ZBTB8A: variants seen among roughly 807,000 people sequenced by gnomAD.
ZBTB8A encodes the protein zinc finger and BTB domain containing 8A, also known as zinc finger and BTB domain-containing protein 8A.
A neutral mutation model predicts 37.8 loss-of-function variants in ZBTB8A; 19 were observed. That is an observed-to-expected ratio of 0.50 (90% CI 0.35 to 0.74). The LOEUF (loss-of-function observed/expected upper bound fraction) is 0.74, where lower values mean the gene tolerates loss of function less well. Ranked by LOEUF, ZBTB8A falls within the 30% of genes least tolerant of loss-of-function variation. ZBTB8A has a pLI of 0.01. For synonymous variants in ZBTB8A, 181 were observed against 185.2 expected, an observed-to-expected ratio of 0.98 and a Z score of 0.19; for missense variants, 394 against 537.8, an observed-to-expected ratio of 0.73 and a Z score of 2.65.
rs1338476865 is a variant in ZBTB8A, at chr1:32,602,476, C to T, written c.*2057C>T. ...CTGAGCTTCATAAAGGTCTCTTCTG[C>T]AAGTTATCACAGTGAAGCTTGATAG... On this transcript the variant is annotated 3_prime_UTR_variant, in exon 5 of 5. Coordinates refer to ENST00000373510, the MANE Select transcript of ZBTB8A (RefSeq NM_001040441.3). The T allele has an allele frequency of 6.6e-6, 1 of 152,114 alleles. No homozygotes were observed. The highest frequency in any genetic ancestry group is 6.6e-5 in the Admixed American group (1 of 15,266). The allele number at this position is 152,114 out of a possible 1,614,324, so 9.4% of individuals were successfully genotyped here. A position where few individuals can be genotyped will look rare whatever the true frequency, so the allele number is the denominator to read the frequency against.
intron 1 of ZBTB8A, among the ~76,000 whole-genome samples, chr1:32,552,092 A>G (rs1024185607): frequency 6.6e-6 from 1 of 152,092 alleles, no homozygotes; most frequent in African/African-American, 2.4e-5. Context: ...GTCCAGGGAC[A>G]GTGGCTCATG....
At chr1:32,580,877 G>A (rs546496051) in intron 2 of ZBTB8A, among the ~76,000 whole-genome samples, 1 of 151,592 alleles carries the variant, frequency 6.6e-6, no homozygotes, top group South Asian at 2.1e-4. Context: ...GCAACACAGA[G>A]AGACAACAAG....
intron 1 of ZBTB8A, among the ~76,000 whole-genome samples, chr1:32,541,604 C>T (rs1644055290): frequency 6.6e-6 from 1 of 152,184 alleles, no homozygotes; most frequent in Non-Finnish European, 1.5e-5. Context: ...TTATTTCTCA[C>T]ACTTCTGGAG....
chr1:32,548,137 TAAAAAAAAAAAA>T (rs770998213), intron 1 of ZBTB8A, among the ~76,000 whole-genome samples: 4 of 65,772 alleles, frequency 6.1e-5, no homozygotes, highest in African/African-American at 5.9e-5. Context: ...CGTCTCAAAT[TAAAAAAAAAAAA>T]AAAAAAAAAA....
chr1:32,588,213 G>C (rs1644463164), intron 2 of ZBTB8A, among the ~76,000 whole-genome samples: 2 of 152,112 alleles, frequency 1.3e-5, no homozygotes, highest in South Asian at 4.1e-4. Context: ...TAGCTGGTTA[G>C]TCAGAAGCAC....
At chr1:32,595,517 T>C (rs925876732) in intron 4 of ZBTB8A, among the ~76,000 whole-genome samples, 27 of 151,598 alleles carry the variant, frequency 1.8e-4, no homozygotes, top group Admixed American at 3.9e-4. Context: ...TTCACCTGCC[T>C]CAGCCTCCCA....
intron 2 of ZBTB8A, among the ~76,000 whole-genome samples, chr1:32,587,100 G>A (rs551682849): frequency 2.6e-5 from 4 of 152,008 alleles, no homozygotes; most frequent in South Asian, 4.1e-4. Flanking sequence ...TTAGCTGGGC[G>A]TGGTGGCAGG....
chr1:32,575,959 C>T (rs1163778420), intron 2 of ZBTB8A, among the ~76,000 whole-genome samples: 2 of 152,176 alleles, frequency 1.3e-5, no homozygotes, highest in African/African-American at 2.4e-5. Flanking sequence ...TAGTTGCTCT[C>T]AGGATTACAA....
Position 32,600,261 on chromosome 1 carries a change from C to T in ZBTB8A, c.1168C>T (p.Pro390Ser). The change falls in exon 5 of 5, where the codon CCA becomes TCA. Residue 390 changes from proline to serine, a missense_variant. Pro to Ser is a moderately conservative substitution (Grantham distance 74). Transcript: ENST00000373510. ...DLEAEQHLMS[P>S]SDGDKDSRWH... The stretch of plus-strand genomic sequence containing the variant: ...GGAAGCTGAACAACATCTTATGTCC[C>T]CATCAGATGGAGATAAGGATTCCAG... 1.9e-6 allele frequency: 3 copies of T among 1,614,100 alleles called. No individual in the cohort carries two copies. Among genetic ancestry groups the T allele is most frequent in the Non-Finnish European group, 1.7e-6 (2 of 1,180,012 alleles).
intron 1 of ZBTB8A, among the ~76,000 whole-genome samples, chr1:32,549,063 C>T (rs1644129717): frequency 6.6e-6 from 1 of 152,032 alleles, no homozygotes; most frequent in Non-Finnish European, 1.5e-5. Context: ...TGGTGGCCCG[C>T]ACCTGTAGTC....
In ZBTB8A at chr1:32,605,675, A is replaced by G. The variant is rs1389934971; in HGVS notation, c.*5256A>G. 7.3e-6 allele frequency: 1 copy of G among 137,538 alleles called. No individual in the cohort carries two copies. The highest frequency in any genetic ancestry group is 2.8e-5 in the African/African-American group (1 of 35,152). The allele number at this position is 137,538 out of a possible 1,614,324, so 8.5% of individuals were successfully genotyped here. On this transcript the variant is annotated 3_prime_UTR_variant, in exon 5 of 5. Coordinates refer to ENST00000373510, the MANE Select transcript of ZBTB8A (RefSeq NM_001040441.3). ...AGCCAAGATCACGCTACTGCACTCC[A>G]GGCTGGGTGACAGAGCGAGACTCCA... is the stretch of plus-strand genomic sequence containing the variant.
In ZBTB8A at chr1:32,600,682, A is replaced by T; in HGVS notation, c.*263A>T. On this transcript the variant is annotated 3_prime_UTR_variant, in exon 5 of 5. Transcript: ENST00000373510. ...CAATTATCCTCTTACTTTCATTACA[A>T]TCCTCTTACTTTATTCCAGAGATAC... 2.8e-6 allele frequency: 1 copy of T among 354,138 alleles called. No homozygotes were observed. Among genetic ancestry groups the T allele is most frequent in the Non-Finnish European group, 5.1e-6 (1 of 194,702 alleles). The allele number at this position is 354,138 out of a possible 1,614,324, so 21.9% of individuals were successfully genotyped here.
At chr1:32,556,296 C>A (rs2148221099) in intron 2 of ZBTB8A, among the ~76,000 whole-genome samples, 1 of 152,186 alleles carries the variant, frequency 6.6e-6, no homozygotes, top group Non-Finnish European at 1.5e-5. Context: ...TCTCGAACTC[C>A]TGACCTCGTG....
intron 1 of ZBTB8A, among the ~76,000 whole-genome samples, chr1:32,544,785 G>C (rs1644089180): frequency 6.6e-6 from 1 of 152,172 alleles, no homozygotes; most frequent in African/African-American, 2.4e-5. Context: ...CGTATATGTA[G>C]TCAGTTGTTG....
chr1:32,587,109 G>T (rs1355971632), intron 2 of ZBTB8A, among the ~76,000 whole-genome samples: 2 of 151,462 alleles, frequency 1.3e-5, no homozygotes, highest in Non-Finnish European at 2.9e-5. Flanking sequence ...CGTGGTGGCA[G>T]GCGCCTGTAA....
chr1:32,543,357 T>G (rs1377560799), intron 1 of ZBTB8A, among the ~76,000 whole-genome samples: 1 of 152,206 alleles, frequency 6.6e-6, no homozygotes, highest in Non-Finnish European at 1.5e-5. Context: ...AGTGCTGGGA[T>G]TACAGGTGTG....
intron 1 of ZBTB8A, among the ~76,000 whole-genome samples, chr1:32,551,615 G>A (rs1278853029): frequency 1.3e-5 from 2 of 152,012 alleles, no homozygotes; most frequent in African/African-American, 4.8e-5. Context: ...GGCAGGCTGA[G>A]GCAGGATCAC....
chr1:32,544,729 A>G (rs1470077501), intron 1 of ZBTB8A, among the ~76,000 whole-genome samples: 3 of 152,196 alleles, frequency 2.0e-5, no homozygotes, highest in Non-Finnish European at 4.4e-5. Context: ...TAAACACAGG[A>G]AAGGTACAAT....
chr1:32,580,252 A>T (rs537079390), intron 2 of ZBTB8A, among the ~76,000 whole-genome samples: 34 of 152,160 alleles, frequency 2.2e-4, no homozygotes, highest in African/African-American at 6.7e-4. Flanking sequence ...AACAAAAAAA[A>T]TTTTTTTAAA....
Sources: gnomAD v4.1 joint callset for allele counts (sites outside exome capture counted in the v4.1 genomes callset) on GRCh38, gnomAD v4.1.1 for gene constraint, MANE v1.5 for transcripts, NCBI Gene and HGNC (gene_info 2026-07-23, HGNC 2026-07-21) for gene names.